PLIN3: variants seen among roughly 807,000 people sequenced by gnomAD.
PLIN3 encodes the protein perilipin 3, also known as perilipin-3.
In PLIN3, 30 loss-of-function variants were observed where a neutral mutation model predicts 35.9. The ratio of observed to expected loss-of-function variants is 0.84; its 90% CI spans 0.62 to 1.13. The LOEUF is 1.13. Among genes scored for constraint, PLIN3 ranks in the 50% most tolerant of loss-of-function variants. The probability of loss-of-function intolerance (pLI) is 0.00; values close to 1 mark genes in which losing one functional copy is unlikely to be tolerated. For missense variants in PLIN3, 603 were observed against 596.9 expected (o/e 1.01, Z -0.11); for synonymous variants, 261 against 262.5 (o/e 0.99, Z 0.06).
chr19:4,864,774 AGCT>A (rs2030795705), intron 1 of PLIN3, among the ~76,000 whole-genome samples: 1 of 152,142 alleles, frequency 6.6e-6, no homozygotes. Flanking sequence ...AGTGAAATGA[AGCT>A]GGGACACCAT....
rs774677098 is a variant in PLIN3, at chr19:4,861,318, C to T, written c.66+11G>A. 6.2e-7 allele frequency: 1 copy of T among 1,612,418 alleles called. No homozygotes were observed. Among genetic ancestry groups the T allele is most frequent in the South Asian group, 1.1e-5 (1 of 91,066 alleles). ...GGGTCGGGGCAGTCCCTGGTCCCGG[C>T]CCTTCCTCACCTGCTGTACCGGTTC... On this transcript the variant is annotated intron_variant, in intron 2 of 7. Coordinates refer to ENST00000221957, the MANE Select transcript of PLIN3 (RefSeq NM_005817.5).
At chr19:4,861,829 T>G (rs1225893916) in intron 1 of PLIN3, among the ~76,000 whole-genome samples, 4 of 151,322 alleles carry the variant, frequency 2.6e-5, no homozygotes, top group Non-Finnish European at 4.4e-5. Flanking sequence ...GAGACGGGGT[T>G]TCACCATATT....
chr19:4,861,063 T>G (rs969291950), intron 2 of PLIN3, among the ~76,000 whole-genome samples: 6 of 152,060 alleles, frequency 3.9e-5, no homozygotes, highest in Admixed American at 3.3e-4. Flanking sequence ...CCTTCAGAGG[T>G]GAGGATGATT....
chr19:4,841,515 G>A (rs1199989769), intron 7 of PLIN3, among the ~76,000 whole-genome samples: 1 of 151,736 alleles, frequency 6.6e-6, no homozygotes, highest in Non-Finnish European at 1.5e-5. Context: ...GATGAGATAG[G>A]GATAGTTGCA....
chr19:4,854,221 C>T (rs540639484), intron 4 of PLIN3, among the ~76,000 whole-genome samples: 1 of 152,126 alleles, frequency 6.6e-6, no homozygotes, highest in Non-Finnish European at 1.5e-5. Context: ...ACATGAGCCA[C>T]TGTGTCCAGC....
intron 4 of PLIN3, among the ~76,000 whole-genome samples, chr19:4,858,413 T>C (rs565841242): frequency 5.4e-4 from 82 of 151,836 alleles, no homozygotes; most frequent in African/African-American, 1.9e-3. Flanking sequence ...AGTCTCGCTC[T>C]GTCGCCCAGG....
chr19:4,843,463 A>G (rs976091095), intron 7 of PLIN3, among the ~76,000 whole-genome samples: 2 of 151,050 alleles, frequency 1.3e-5, no homozygotes, highest in Non-Finnish European at 2.9e-5. Context: ...AGCTGAGATT[A>G]CACCACTGCA....
chr19:4,853,837 C>T (rs1460561035), intron 4 of PLIN3, among the ~76,000 whole-genome samples: 2 of 150,964 alleles, frequency 1.3e-5, no homozygotes, highest in Non-Finnish European at 3.0e-5. Flanking sequence ...AACAAACAAA[C>T]AAAAAAAAGC....
intron 7 of PLIN3, among the ~76,000 whole-genome samples, chr19:4,843,901 G>T (rs2029994177): frequency 6.6e-6 from 1 of 152,192 alleles, no homozygotes; most frequent in Admixed American, 6.6e-5. Context: ...CTCGCCCTTT[G>T]AAGTGTACGA....
chr19:4,866,451 G>A (rs2030862190), intron 1 of PLIN3, among the ~76,000 whole-genome samples: 1 of 152,166 alleles, frequency 6.6e-6, no homozygotes, highest in South Asian at 2.1e-4. Context: ...AGTCCCTGTG[G>A]ACTGGAGGAG....
At chr19:4,858,305 C>T (rs2146211771) in intron 4 of PLIN3, among the ~76,000 whole-genome samples, 1 of 149,054 alleles carries the variant, frequency 6.7e-6, no homozygotes, top group South Asian at 2.1e-4. Flanking sequence ...GTGAGGCCCA[C>T]AGAGGCAAAG....
In PLIN3 at chr19:4,861,383, G is replaced by A. The variant is rs145415169; in HGVS notation, c.12C>T (p.Asp4=). 4.5e-4 allele frequency: 726 copies of A among 1,612,890 alleles called. 4 individuals are homozygous for A. In the African/African-American group the frequency reaches 8.1e-3, roughly 18 times the overall value. The change falls in exon 2 of 8, where the codon GAC becomes GAT. Residue 4 remains aspartate, a synonymous_variant. Coordinates refer to ENST00000221957, the MANE Select transcript of PLIN3 (RefSeq NM_005817.5). MSA[D]GAEADGSTQV... is the part of the protein sequence containing the mutation. ...GGGTGCTGCCATCAGCCTCTGCCCC[G>A]TCGGCAGACATGGTCTCTGCAGCAG...
chr19:4,867,587 C>T (rs28365952), intron 1 of PLIN3, 22 bp downstream of exon 1: 8,956 of 151,974 alleles, frequency 0.059, 359 homozygotes, highest in Non-Finnish European at 0.084. Context: ...CCCAGCTCAA[C>T]TGAGACGCCC....
At position 4,859,584 on chromosome 19, in the gene PLIN3, C is replaced by A. The variant is rs368015374; in HGVS notation, c.348+6G>T. On this transcript the variant is annotated splice_donor_region_variant and intron_variant, in intron 4 of 7. Coordinates refer to ENST00000221957, the MANE Select transcript of PLIN3 (RefSeq NM_005817.5). Reference sequence around the variant, plus strand: ...CGACAGAGCCCCTGAGGACGGACATCGTTACCTTCTCCGTGGGCTGCTGCA... The same window carrying A: ...CGACAGAGCCCCTGAGGACGGACATAGTTACCTTCTCCGTGGGCTGCTGCA... 5 of 1,612,842 alleles carry A rather than the reference C, an allele frequency of 3.1e-6. No individual in the cohort carries two copies. In the African/African-American group the frequency reaches 6.7e-5, roughly 22 times the overall value.
chr19:4,861,135 A>C (rs1350163109), intron 2 of PLIN3, among the ~76,000 whole-genome samples, 194 bp downstream of exon 2: 1 of 152,098 alleles, frequency 6.6e-6, no homozygotes, highest in African/African-American at 2.4e-5. Context: ...CAGGCCCTCC[A>C]AGGGCCTTTG....
intron 1 of PLIN3, among the ~76,000 whole-genome samples, chr19:4,862,323 G>T (rs1407101892): frequency 6.6e-6 from 1 of 151,706 alleles, no homozygotes; most frequent in Non-Finnish European, 1.5e-5. Flanking sequence ...TAGTAGAAAC[G>T]GGTTTTCACC....
chr19:4,845,370 G>T (rs188613737), intron 6 of PLIN3, among the ~76,000 whole-genome samples: 20 of 152,208 alleles, frequency 1.3e-4, no homozygotes, highest in African/African-American at 4.8e-4. Flanking sequence ...AGGTTGCAGT[G>T]AGCTGAGATT....
Position 4,838,582 on chromosome 19 carries a change from CTTTTTTTTTTTT to C in PLIN3, c.*598_*609del, listed in dbSNP as rs560562572. Reference sequence around the variant, plus strand: ...TGAACTATATCCCTGATTTTTTTTTCTTTTTTTTTTTTTTTGAGACTAAGTCTCACTCTTGTC... The same window carrying C: ...TGAACTATATCCCTGATTTTTTTTTCTTTGAGACTAAGTCTCACTCTTGTC... On this transcript the variant is annotated 3_prime_UTR_variant, in exon 8 of 8. Transcript: ENST00000221957. 1 of 109,378 alleles carries C rather than the reference CTTTTTTTTTTTT, an allele frequency of 9.1e-6. No homozygotes were observed. The highest frequency in any genetic ancestry group is 2.1e-5 in the Non-Finnish European group (1 of 48,744). 6.8% of individuals were successfully genotyped at this position (109,378 alleles called of 1,614,324 possible).
In PLIN3 at chr19:4,852,037, G is replaced by A; in HGVS notation, c.613C>T (p.Pro205Ser). ...TTACCCAGTTCGGCATCCGTAAGGG[G>A]CAGGTGGTTGTCCGCCCACTCCTCC... is the stretch of plus-strand genomic sequence containing the variant. ...KSEEWADNHL[P>S]LTDAELARIA... The change falls in exon 5 of 8, where the codon CCC becomes TCC. Residue 205 changes from proline to serine, a missense_variant. By Grantham distance (74) the Pro-to-Ser change is moderately conservative. Transcript: ENST00000221957. 1 of 1,613,802 alleles carries A rather than the reference G, an allele frequency of 6.2e-7. No homozygotes were observed. Among genetic ancestry groups the A allele is most frequent in the South Asian group, 1.1e-5 (1 of 91,060 alleles).
Sources: gnomAD v4.1 joint callset for allele counts (sites outside exome capture counted in the v4.1 genomes callset) on GRCh38, gnomAD v4.1.1 for gene constraint, MANE v1.5 for transcripts, NCBI Gene and HGNC (gene_info 2026-07-23, HGNC 2026-07-21) for gene names.